EFR3A: variants seen among roughly 807,000 people sequenced by gnomAD.
EFR3A encodes the protein protein EFR3 homolog A.
In EFR3A, 76 loss-of-function variants were observed where a neutral mutation model predicts 104.4. The ratio of observed to expected loss-of-function variants is 0.73; its 90% CI spans 0.60 to 0.88. The LOEUF (loss-of-function observed/expected upper bound fraction) is 0.88, where lower values mean the gene tolerates loss of function less well. EFR3A is among the 40% of genes least tolerant of loss of function. The pLI is 0.00. For missense variants in EFR3A, 985 were observed against 1,012.5 expected, an observed-to-expected ratio of 0.97 and a Z score of 0.37; for synonymous variants, 330 against 330.0, an observed-to-expected ratio of 1.00 and a Z score of 0.00.
intron 1 of EFR3A, among the ~76,000 whole-genome samples, chr8:131,920,474 GA>G (rs1816952139): frequency 1.3e-5 from 2 of 152,048 alleles, no homozygotes; most frequent in African/African-American, 4.8e-5. Flanking sequence ...TTTTAGCTCA[GA>G]GTAACCTATG....
Position 131,940,561 on chromosome 8 carries a change from C to T in EFR3A, c.73C>T (p.Pro25Ser). The T allele has an allele frequency of 1.2e-6, 2 of 1,608,298 alleles. No individual in the cohort carries two copies. The highest frequency in any genetic ancestry group is 1.7e-6 in the Non-Finnish European group (2 of 1,177,378). The part of the protein sequence containing the change: ...RYKRLVDNIF[P>S]EDPKDGLVKT... ...CAAACGCCTGGTGGACAACATATTC[C>T]CTGAAGATCCAAAAGTAATTTGATC... The change falls in exon 2 of 23, where the codon CCT becomes TCT. Residue 25 changes from proline (P) to serine (S), a missense_variant. Coordinates refer to ENST00000254624, the MANE Select transcript of EFR3A (RefSeq NM_015137.6).
In EFR3A at chr8:131,984,840, A is replaced by G. The variant is rs997777708; in HGVS notation, c.1738-89A>G. On this transcript the variant is annotated intron_variant, in intron 15 of 22. Coordinates refer to ENST00000254624, the MANE Select transcript of EFR3A (RefSeq NM_015137.6). Reference sequence around the variant, plus strand: ...AAGTGGCATTTTTGTTAGCTTTCCAAACTACCTGCAGTTTTCCAGTGTAAT... The same window carrying G: ...AAGTGGCATTTTTGTTAGCTTTCCAGACTACCTGCAGTTTTCCAGTGTAAT... 7 of 1,224,290 alleles carry G rather than the reference A, an allele frequency of 5.7e-6. No individual in the cohort carries two copies. The African/African-American group carries it at 7.7e-5, about 13-fold the overall frequency. 75.8% of individuals were successfully genotyped at this position (1,224,290 alleles called of 1,614,324 possible).
At chr8:131,942,523 A>T (rs1340491057) in intron 2 of EFR3A, among the ~76,000 whole-genome samples, 1 of 152,140 alleles carries the variant, frequency 6.6e-6, no homozygotes, top group Non-Finnish European at 1.5e-5. Context: ...AGTAATAAGT[A>T]GTACCGATCT....
At chr8:131,954,790 A>T (rs1031106405) in intron 6 of EFR3A, among the ~76,000 whole-genome samples, 1 of 151,938 alleles carries the variant, frequency 6.6e-6, no homozygotes, top group Non-Finnish European at 1.5e-5. Context: ...ATTCAATTCT[A>T]TAGTTCTAAA....
At chr8:131,940,403 T>C (rs1158403916) in intron 1 of EFR3A, 96 bp from the exon 2 acceptor site, 1 of 1,169,222 alleles carries the variant, frequency 8.6e-7, no homozygotes, top group Non-Finnish European at 1.2e-6. Flanking sequence ...GAACTTTGTA[T>C]TTTATATAGC....
At chr8:131,948,238 T>C (rs1818529725) in intron 4 of EFR3A, among the ~76,000 whole-genome samples, 1 of 152,102 alleles carries the variant, frequency 6.6e-6, no homozygotes. Context: ...TACCCCAGTT[T>C]TGAACTACGC....
At chr8:131,934,642 T>C (rs1442616348) in intron 1 of EFR3A, among the ~76,000 whole-genome samples, 1 of 152,122 alleles carries the variant, frequency 6.6e-6, no homozygotes, top group Non-Finnish European at 1.5e-5. Flanking sequence ...TGTGTATGTG[T>C]GTATATATAT....
At chr8:131,944,530 T>C (rs557924568) in intron 2 of EFR3A, among the ~76,000 whole-genome samples, 1 of 152,214 alleles carries the variant, frequency 6.6e-6, no homozygotes, top group South Asian at 2.1e-4. Flanking sequence ...TCACTGTTTG[T>C]GCTTTGCATA....
At chr8:131,913,956 C>G (rs1816637200) in intron 1 of EFR3A, among the ~76,000 whole-genome samples, 1 of 152,160 alleles carries the variant, frequency 6.6e-6, no homozygotes, top group Non-Finnish European at 1.5e-5. Context: ...AATTTACTAA[C>G]TTTTTAACCC....
chr8:131,960,395 A>G (rs1447752526), intron 8 of EFR3A, among the ~76,000 whole-genome samples: 1 of 152,050 alleles, frequency 6.6e-6, no homozygotes, highest in Non-Finnish European at 1.5e-5. Context: ...GAATATGTGC[A>G]GATTTTGGTA....
chr8:131,977,557 TGAAAAG>T (rs1175688890), intron 12 of EFR3A, among the ~76,000 whole-genome samples: 4 of 152,208 alleles, frequency 2.6e-5, no homozygotes, highest in African/African-American at 9.6e-5. Context: ...TATAAGTAGC[TGAAAAG>T]GAAAAGTATA....
chr8:131,933,455 A>G (rs1459602595), intron 1 of EFR3A, among the ~76,000 whole-genome samples: 1 of 101,590 alleles, frequency 9.8e-6, no homozygotes, highest in Non-Finnish European at 1.9e-5. Context: ...GATCAGATGA[A>G]ATGAAAAGGG....
At chr8:131,904,521 C>CTT (rs1413595184) in intron 1 of EFR3A, among the ~76,000 whole-genome samples, 199 bp downstream of exon 1, 1 of 152,278 alleles carries the variant, frequency 6.6e-6, no homozygotes, top group Admixed American at 6.5e-5. Flanking sequence ...GATCGGGAAA[C>CTT]TGAGGCCCGA....
rs2130643658 is a variant in EFR3A, at chr8:131,958,852, CCT to C, written c.777-732_777-731del. ...ACCACTTATCAAGTGCTGGCTGCGC[CCT>C]GTGACTATGCTAATAACCTTATATA... On this transcript the variant is annotated intron_variant, in intron 7 of 22. Transcript: ENST00000254624. 2.0e-5 allele frequency among the ~76,000 whole-genome samples: 3 copies of C among 152,180 alleles called. No homozygotes were observed. In the East Asian group the frequency reaches 5.8e-4, roughly 29 times the overall value.
intron 10 of EFR3A, 142 bp downstream of exon 10, chr8:131,970,785 C>A: frequency 2.6e-6 from 2 of 764,002 alleles, no homozygotes; most frequent in South Asian, 2.1e-5. Context: ...CGAAAACAAG[C>A]AAGCATGAGA....
At position 131,904,252 on chromosome 8, in the gene EFR3A, C is replaced by A; in HGVS notation, c.-61C>A. The stretch of plus-strand genomic sequence containing the variant: ...CCAGCAACGGCCGTCATGGTGCCGT[C>A]GGCGCTCCCTGCGCGGCCCCGCTGA... On this transcript the variant is annotated 5_prime_UTR_variant, in exon 1 of 23. The change creates a premature stop within an existing upstream ORF in the 5' untranslated region. Coordinates refer to ENST00000254624, the MANE Select transcript of EFR3A (RefSeq NM_015137.6). 1 of 1,281,410 alleles carries A rather than the reference C, an allele frequency of 7.8e-7. No individual in the cohort carries two copies. The highest frequency in any genetic ancestry group is 9.9e-7 in the Non-Finnish European group (1 of 1,012,086). 79.4% of individuals were successfully genotyped at this position (1,281,410 alleles called of 1,614,324 possible).
At chr8:131,996,794 T>C (rs1294117669) in intron 19 of EFR3A, among the ~76,000 whole-genome samples, 1 of 152,104 alleles carries the variant, frequency 6.6e-6, no homozygotes, top group East Asian at 1.9e-4. Context: ...ATTTTTTTGC[T>C]AAGAAACTTT....
chr8:132,005,178 A>ACAGG (rs1821971239), intron 22 of EFR3A, among the ~76,000 whole-genome samples: 1 of 152,190 alleles, frequency 6.6e-6, no homozygotes, highest in South Asian at 2.1e-4. Flanking sequence ...GGTAACTTAT[A>ACAGG]CAGGGTCACC....
intron 1 of EFR3A, among the ~76,000 whole-genome samples, chr8:131,909,767 G>C (rs1460553836): frequency 6.6e-6 from 1 of 152,116 alleles, no homozygotes; most frequent in Non-Finnish European, 1.5e-5. Context: ...TGGCCTCTAC[G>C]AACTGGAAGC....
Sources: allele counts gnomAD v4.1 joint callset (sites outside exome capture counted in the v4.1 genomes callset), GRCh38; gene constraint gnomAD v4.1.1; transcripts MANE v1.5; gene names NCBI Gene and HGNC (gene_info 2026-07-23, HGNC 2026-07-21).